Variants in OPTN observed in about 807,000 individuals in gnomAD.
OPTN encodes the protein E3-14.7K-interacting protein.
Under a neutral mutation model 70.4 loss-of-function variants are expected in OPTN, and 54 were observed. That is an observed-to-expected ratio of 0.77 (90% CI 0.62 to 0.96). OPTN has a LOEUF of 0.96. OPTN is among the 40% of genes least tolerant of loss of function. The pLI, the probability that OPTN is intolerant of heterozygous loss-of-function variation, is 0.00. For synonymous variants in OPTN, 256 were observed against 248.5 expected (o/e 1.03, Z -0.28); for missense variants, 624 against 673.2 (o/e 0.93, Z 0.81).
chr10:13,121,527 A>AG (rs35516668), intron 7 of OPTN, among the ~76,000 whole-genome samples: 3 of 149,072 alleles, frequency 2.0e-5, no homozygotes, highest in Non-Finnish European at 4.4e-5. Context: ...AAAAAAAAAA[A>AG]GTGTTACATA....
Position 13,122,490 on chromosome 10 carries a change from G to A in OPTN, c.882+3G>A, listed in dbSNP as rs761196996. On this transcript the variant is annotated splice_donor_region_variant and intron_variant, in intron 8 of 14. Transcript: ENST00000378747. ...ATGAAGAGAAAGGCCCGGAGACTGTGAGTCCTAAGATTCCACGGCCACTAC... is the reference window on the plus strand; with the variant it reads ...ATGAAGAGAAAGGCCCGGAGACTGTAAGTCCTAAGATTCCACGGCCACTAC... 91 of 1,603,326 alleles carry A rather than the reference G, an allele frequency of 5.7e-5. No individual in the cohort carries two copies. The highest frequency in any genetic ancestry group is 7.4e-5 in the Non-Finnish European group (87 of 1,170,250).
At chr10:13,130,042 A>T (rs1833559946) in intron 12 of OPTN, among the ~76,000 whole-genome samples, 1 of 152,092 alleles carries the variant, frequency 6.6e-6, no homozygotes, top group Admixed American at 6.6e-5. Flanking sequence ...GCAGTCATGT[A>T]TTTTTGCTCA....
At position 13,112,464 on chromosome 10, in the gene OPTN, T is replaced by TAG. The variant is rs774258585; in HGVS notation, c.381_382insAG (p.Asp128ArgfsTer22). 114 of 1,613,912 alleles carry TAG rather than the reference T, an allele frequency of 7.1e-5. No homozygotes were observed. The highest frequency in any genetic ancestry group is 1.3e-5 in the African/African-American group (1 of 74,872). ...CTTGTCATCTCCAGGACCCCACTGA[T>TAG]GACTCCAGGCTTCCCAGGGCCGAAG... On this transcript the variant is annotated frameshift_variant, in exon 5 of 15. Transcript: ENST00000378747. LOFTEE classifies it high-confidence loss of function.
intron 14 of OPTN, 132 bp downstream of exon 14, chr10:13,133,713 C>T: frequency 6.5e-6 from 5 of 769,310 alleles, no homozygotes; most frequent in South Asian, 1.5e-5. Flanking sequence ...CCGTCAGTCT[C>T]ATTACCACAG....
intron 6 of OPTN, 91 bp from the exon 7 acceptor site, chr10:13,118,797 C>G (rs1833276894): frequency 1.8e-6 from 2 of 1,110,138 alleles, no homozygotes; most frequent in Admixed American, 3.4e-5. Flanking sequence ...GAAAGCAGTT[C>G]CTTTAAGCTG....
chr10:13,137,061 C>T lies in OPTN; in HGVS notation c.*195C>T, dbSNP rs1833715944. On this transcript the variant is annotated 3_prime_UTR_variant, in exon 15 of 15. Coordinates refer to ENST00000378747, the MANE Select transcript of OPTN (RefSeq NM_001008212.2). ...TTGGGAGGTCGAGGTGGGTGGATCA[C>T]TTGGGGTCAGGGTTTGAGACCAGCC... 2 of 650,910 alleles carry T rather than the reference C, an allele frequency of 3.1e-6. No individual in the cohort carries two copies. The highest frequency in any genetic ancestry group is 2.7e-6 in the Non-Finnish European group (1 of 370,530). 40.3% of individuals were successfully genotyped at this position (650,910 alleles called of 1,614,324 possible). A position where few individuals can be genotyped will look rare whatever the true frequency, so the allele number is the denominator to read the frequency against.
At chr10:13,127,930 G>A (rs1197937587) in intron 12 of OPTN, 27 bp downstream of exon 12, 6 of 1,613,394 alleles carry the variant, frequency 3.7e-6, no homozygotes, top group South Asian at 2.2e-5. Flanking sequence ...AACCCCAGCT[G>A]AGCGAGGCCA....
intron 12 of OPTN, among the ~76,000 whole-genome samples, chr10:13,128,872 A>G (rs10796029): frequency 0.28 from 41,849 of 151,914 alleles, 5,942 homozygotes; most frequent in South Asian, 0.35. Context: ...AATGACTTCT[A>G]TGTATACTGC....
At chr10:13,127,152 T>A (rs571312587) in intron 11 of OPTN, among the ~76,000 whole-genome samples, 1 of 152,348 alleles carries the variant, frequency 6.6e-6, no homozygotes, top group African/African-American at 2.4e-5. Flanking sequence ...TTGTTTTTCA[T>A]TTATTTTCTT....
At chr10:13,102,393 A>C (rs142867383) in intron 1 of OPTN, among the ~76,000 whole-genome samples, 20 of 152,360 alleles carry the variant, frequency 1.3e-4, no homozygotes, top group African/African-American at 4.6e-4. Flanking sequence ...ATTGCAAAAG[A>C]AACCATGAGG....
chr10:13,108,914 A>G (rs1832931130), intron 2 of OPTN, 198 bp from the exon 3 acceptor site: 2 of 617,956 alleles, frequency 3.2e-6, no homozygotes, highest in Admixed American at 2.3e-5. Context: ...GCGCGTGCAC[A>G]CACACACACA....
chr10:13,127,802 G>GA lies in OPTN; in HGVS notation c.1301dup (p.Lys435GlufsTer12), dbSNP rs1229901067. On this transcript the variant is annotated frameshift_variant, in exon 12 of 15. Transcript: ENST00000378747. LOFTEE classifies it high-confidence loss of function. ...ACTGAGTGAAAAACTGGAACTGGCA[G>GA]AGAAGGCTCTGGCTTCCAAACAGCT... 6.2e-7 allele frequency: 1 copy of GA among 1,614,214 alleles called. No homozygotes were observed. The highest frequency in any genetic ancestry group is 8.5e-7 in the Non-Finnish European group (1 of 1,180,048).
chr10:13,103,610 C>T lies in OPTN; in HGVS notation c.-164+3308C>T, dbSNP rs79289690. ...TGCCATCGAAACCAGACAAGACATT[C>T]TTGCATTGAATATATTGGTCTGGAT... is the stretch of plus-strand genomic sequence containing the variant. On this transcript the variant is annotated intron_variant, in intron 1 of 14. Transcript: ENST00000378747. Among the ~76,000 whole-genome samples the T allele has an allele frequency of 8.4e-3, 1,282 of 152,332 alleles. 13 individuals carry two copies. The highest frequency in any genetic ancestry group is 0.023 in the Admixed American group (351 of 15,304).
intron 1 of OPTN, among the ~76,000 whole-genome samples, chr10:13,102,063 G>A (rs1441002857): frequency 1.3e-5 from 2 of 152,178 alleles, no homozygotes; most frequent in Non-Finnish European, 2.9e-5. Context: ...AGTGTTCTTG[G>A]GTGCTCGGAG....
chr10:13,125,966 A>G lies in OPTN; in HGVS notation c.1169A>G (p.Gln390Arg). ...AATAGGTCCAAATTAACTGTGCTACAGATGACACACAACAAGCTTCTTCAA... is the reference window on the plus strand; with the variant it reads ...AATAGGTCCAAATTAACTGTGCTACGGATGACACACAACAAGCTTCTTCAA... The part of the protein sequence containing the change: ...EDEKSKLTVL[Q>R]MTHNKLLQEH... The change falls in exon 11 of 15, where the codon CAG becomes CGG. Residue 390 changes from glutamine to arginine, a missense_variant. Transcript: ENST00000378747. 1 of 1,611,088 alleles carries G rather than the reference A, an allele frequency of 6.2e-7. No individual in the cohort carries two copies. Among genetic ancestry groups the G allele is most frequent in the South Asian group, 1.1e-5 (1 of 90,996 alleles).
At position 13,110,439 on chromosome 10, in the gene OPTN, T is replaced by G; in HGVS notation, c.332T>G (p.Leu111Arg). ...GAGAATGAGAAATTGAAGGAAGAGC[T>G]TGGAAAACTAAAAGGGAAATCAGAA... is the stretch of plus-strand genomic sequence containing the variant. ...SHENEKLKEE[L>R]GKLKGKSERS... Residue 111 changes from leucine to arginine, a missense_variant, in exon 4 of 15, where the codon CTT becomes CGT. Transcript: ENST00000378747. The G allele has an allele frequency of 6.2e-7, 1 of 1,613,856 alleles. No homozygotes were observed. Among genetic ancestry groups the G allele is most frequent in the Non-Finnish European group, 8.5e-7 (1 of 1,179,948 alleles).
chr10:13,114,800 A>AATTATATG (rs1554768941), intron 5 of OPTN, among the ~76,000 whole-genome samples: 1 of 17,710 alleles, frequency 5.6e-5, no homozygotes, highest in African/African-American at 1.1e-4. Context: ...ATAATTATAT[A>AATTATATG]TACATATATA....
At chr10:13,111,564 A>G (rs967320231) in intron 4 of OPTN, among the ~76,000 whole-genome samples, 2 of 151,894 alleles carry the variant, frequency 1.3e-5, no homozygotes, top group Non-Finnish European at 2.9e-5. Context: ...CAGGCATGGT[A>G]GTGCGTGCCT....
rs1484342462 is a variant in OPTN, at chr10:13,114,831, T to A, written c.553-1436T>A. 7.5e-5 allele frequency among the ~76,000 whole-genome samples: 8 copies of A among 106,192 alleles called. 2 individuals are homozygous for A. Among genetic ancestry groups the A allele is most frequent in the African/African-American group, 3.3e-4 (8 of 24,562 alleles). The allele number at this position is 106,192 out of a possible 152,430, so 69.7% of individuals were successfully genotyped here. On this transcript the variant is annotated intron_variant, in intron 5 of 14. Transcript: ENST00000378747. ...ATATATAATTATATAATTATATAAT[T>A]ATATAATTATATAATTGTATAATAT...
Sources: gnomAD v4.1 joint callset for allele counts (sites outside exome capture counted in the v4.1 genomes callset) on GRCh38, gnomAD v4.1.1 for gene constraint, MANE v1.5 for transcripts, NCBI Gene and HGNC (gene_info 2026-07-23, HGNC 2026-07-21) for gene names.